The following SLC14A2 variants were observed in gnomAD, a reference collection of about 807,000 sequenced individuals.
SLC14A2 encodes the protein urea transporter 2.
SLC14A2 carries 91 observed loss-of-function variants against 104.6 expected under a neutral mutation model. That is an observed-to-expected ratio of 0.87 (90% CI 0.73 to 1.04). SLC14A2 has a LOEUF of 1.04. Among genes scored for constraint, SLC14A2 ranks in the 50% least tolerant of loss-of-function variants. The probability of loss-of-function intolerance (pLI) is 0.00; values close to 1 mark genes in which losing one functional copy is unlikely to be tolerated. For missense variants in SLC14A2, 1,189 were observed against 1,156.0 expected, an observed-to-expected ratio of 1.03 and a Z score of -0.41; for synonymous variants, 476 against 466.4, an observed-to-expected ratio of 1.02 and a Z score of -0.27.
At chr18:45,168,307 G>T in the SLC14A2 span, among the ~76,000 whole-genome samples, 1 of 152,144 alleles carries the variant, frequency 6.6e-6, no homozygotes, top group African/African-American at 2.4e-5. Flanking sequence ...AAAACAATAT[G>T]ATTTCTAGTA....
intron 1 of SLC14A2, among the ~76,000 whole-genome samples, chr18:45,439,519 C>G (rs1286237655): frequency 1.3e-5 from 2 of 152,096 alleles, no homozygotes; most frequent in Non-Finnish European, 2.9e-5. Flanking sequence ...TGTTTGGCAC[C>G]ATGGTAGGTG....
chr18:45,383,665 T>A (rs1174837041), intron 1 of SLC14A2, among the ~76,000 whole-genome samples: 1 of 152,194 alleles, frequency 6.6e-6, no homozygotes, highest in Non-Finnish European at 1.5e-5. Flanking sequence ...CAGGTGTTCA[T>A]ATCCTCATGA....
At chr18:45,484,920 G>A (rs2087570965) in intron 2 of SLC14A2, among the ~76,000 whole-genome samples, 1 of 152,134 alleles carries the variant, frequency 6.6e-6, no homozygotes, top group Admixed American at 6.5e-5. Flanking sequence ...CCAGCAAGTA[G>A]CCACATATAT....
the SLC14A2 span, among the ~76,000 whole-genome samples, chr18:45,192,134 G>C: frequency 6.6e-6 from 1 of 152,052 alleles, no homozygotes; most frequent in Non-Finnish European, 1.5e-5. Flanking sequence ...CAGACATCTT[G>C]TCCGGATTCT....
intron 5 of SLC14A2, among the ~76,000 whole-genome samples, chr18:45,632,957 G>T (rs1489937420): frequency 1.3e-5 from 2 of 152,200 alleles, no homozygotes; most frequent in Admixed American, 1.3e-4. Flanking sequence ...GATTACAGGC[G>T]TGAGCCACCA....
chr18:45,224,992 T>A (rs1288065598), intron 1 of SLC14A2, among the ~76,000 whole-genome samples: 1 of 152,212 alleles, frequency 6.6e-6, no homozygotes, highest in African/African-American at 2.4e-5. Context: ...GCTCTTTAGT[T>A]TAATTAGATC....
At chr18:45,674,621 A>AG (rs1449488129) in intron 18 of SLC14A2, among the ~76,000 whole-genome samples, 1 of 152,160 alleles carries the variant, frequency 6.6e-6, no homozygotes, top group Non-Finnish European at 1.5e-5. Context: ...AAAAAAAAAA[A>AG]AGTAGCTGTC....
chr18:45,339,725 T>A (rs1054424366), intron 1 of SLC14A2, among the ~76,000 whole-genome samples: 3 of 152,158 alleles, frequency 2.0e-5, no homozygotes, highest in African/African-American at 7.2e-5. Flanking sequence ...GCAGGTTGTG[T>A]GGGCAGGTTT....
intron 1 of SLC14A2, among the ~76,000 whole-genome samples, chr18:45,345,542 A>G (rs977435843): frequency 1.3e-5 from 2 of 152,144 alleles, no homozygotes; most frequent in African/African-American, 4.8e-5. Context: ...TTTAGTCCTC[A>G]GGCAAACCTC....
chr18:45,175,680 G>T, the SLC14A2 span, among the ~76,000 whole-genome samples: 1 of 152,142 alleles, frequency 6.6e-6, no homozygotes, highest in Non-Finnish European at 1.5e-5. Flanking sequence ...CAAGCTGTTC[G>T]CTGAGACGGG....
At chr18:45,546,922 G>A (rs1424132773) in intron 2 of SLC14A2, among the ~76,000 whole-genome samples, 1 of 152,110 alleles carries the variant, frequency 6.6e-6, no homozygotes, top group Admixed American at 6.5e-5. Flanking sequence ...CCTATGGGCT[G>A]GCTACTCTTG....
chr18:45,393,931 T>C (rs1239493737), intron 1 of SLC14A2, among the ~76,000 whole-genome samples: 2 of 152,206 alleles, frequency 1.3e-5, no homozygotes, highest in African/African-American at 4.8e-5. Context: ...TGAGTCGTCA[T>C]CATTAGTAAG....
At chr18:45,185,503 T>A in the SLC14A2 span, among the ~76,000 whole-genome samples, 2 of 152,194 alleles carry the variant, frequency 1.3e-5, no homozygotes, top group South Asian at 2.1e-4. Context: ...CTCAGTCTGA[T>A]GAAAGGCATC....
chr18:45,468,736 T>A (rs2087190051), intron 1 of SLC14A2, among the ~76,000 whole-genome samples: 1 of 152,226 alleles, frequency 6.6e-6, no homozygotes, highest in African/African-American at 2.4e-5. Context: ...TGAAAGAGGT[T>A]AAGGCTTAGG....
intron 1 of SLC14A2, among the ~76,000 whole-genome samples, chr18:45,230,652 A>T (rs897817055): frequency 9.9e-5 from 15 of 152,208 alleles, no homozygotes; most frequent in African/African-American, 3.6e-4. Context: ...CTGGAGATTC[A>T]AATGTGAATG....
At chr18:45,255,117 T>C (rs964718286) in intron 1 of SLC14A2, among the ~76,000 whole-genome samples, 1 of 152,174 alleles carries the variant, frequency 6.6e-6, no homozygotes, top group Non-Finnish European at 1.5e-5. Flanking sequence ...TTCTCTCTCT[T>C]CTTTTCCCAT....
chr18:45,432,470 A>C (rs11082448), intron 1 of SLC14A2, among the ~76,000 whole-genome samples: 84,707 of 151,750 alleles, frequency 0.56, 23,869 homozygotes, highest in Admixed American at 0.69. Context: ...CAAATTGCTG[A>C]AACCCAGGGA....
At chr18:45,191,369 A>G in the SLC14A2 span, among the ~76,000 whole-genome samples, 1 of 152,192 alleles carries the variant, frequency 6.6e-6, no homozygotes, top group Non-Finnish European at 1.5e-5. Flanking sequence ...AATCAGAGAG[A>G]CATGATTCAA....
intron 2 of SLC14A2, among the ~76,000 whole-genome samples, chr18:45,577,075 CAA>C (rs965219982): frequency 3.4e-4 from 52 of 151,696 alleles, no homozygotes; most frequent in African/African-American, 1.2e-3. Context: ...GAGAACTCCA[CAA>C]AAGAGGTAGT....
Sources: gnomAD v4.1 joint callset for allele counts (sites outside exome capture counted in the v4.1 genomes callset) on GRCh38, gnomAD v4.1.1 for gene constraint, MANE v1.5 for transcripts, NCBI Gene and HGNC (gene_info 2026-07-23, HGNC 2026-07-21) for gene names.